Variants in ASIC2 observed in about 807,000 individuals in gnomAD.
The protein encoded by ASIC2 is acid-sensing ion channel 2.
A neutral mutation model predicts 57.3 loss-of-function variants in ASIC2; 25 were observed. The ratio of observed to expected loss-of-function variants is 0.44; its 90% CI spans 0.32 to 0.61. The LOEUF (loss-of-function observed/expected upper bound fraction) is 0.61, where lower values mean the gene tolerates loss of function less well. ASIC2 is among the 20% of genes least tolerant of loss of function. ASIC2 has a pLI of 0.06. For missense variants in ASIC2, 641 were observed against 738.1 expected, an observed-to-expected ratio of 0.87 and a Z score of 1.52; for synonymous variants, 319 against 307.5, an observed-to-expected ratio of 1.04 and a Z score of -0.39.
intron 3 of ASIC2, among the ~76,000 whole-genome samples, chr17:33,070,668 A>G (rs1283074304): frequency 6.6e-6 from 1 of 152,100 alleles, no homozygotes; most frequent in Non-Finnish European, 1.5e-5. Flanking sequence ...AAAAACCACA[A>G]TTAATACAAT....
At chr17:33,438,813 G>A (rs956143557) in intron 1 of ASIC2, among the ~76,000 whole-genome samples, 6 of 150,916 alleles carry the variant, frequency 4.0e-5, no homozygotes, top group African/African-American at 1.5e-4. Context: ...AGCCTCTGGG[G>A]TTCTGGGGTG....
chr17:33,677,034 A>G (rs1383216594), intron 1 of ASIC2, among the ~76,000 whole-genome samples: 3 of 152,198 alleles, frequency 2.0e-5, no homozygotes, highest in Admixed American at 2.0e-4. Context: ...TTCCACTGTG[A>G]GTGGCATGCT....
intron 1 of ASIC2, among the ~76,000 whole-genome samples, chr17:33,691,685 G>T (rs1205710616): frequency 6.6e-6 from 1 of 152,004 alleles, no homozygotes. Context: ...TCATGGTGGG[G>T]TTTTTGTTCT....
At chr17:33,923,436 A>G (rs1428221519) in intron 1 of ASIC2, among the ~76,000 whole-genome samples, 1 of 152,208 alleles carries the variant, frequency 6.6e-6, no homozygotes, top group African/African-American at 2.4e-5. Context: ...ATGGAAATAA[A>G]ATGACTTCTC....
intron 1 of ASIC2, among the ~76,000 whole-genome samples, chr17:33,135,068 C>T (rs1412835537): frequency 6.6e-6 from 1 of 152,042 alleles, no homozygotes; most frequent in African/African-American, 2.4e-5. Context: ...GGTGACTTGC[C>T]CAGTCATATG....
intron 1 of ASIC2, among the ~76,000 whole-genome samples, chr17:34,032,194 TG>T (rs1443696006): frequency 6.6e-6 from 1 of 151,948 alleles, no homozygotes; most frequent in Non-Finnish European, 1.5e-5. Flanking sequence ...CAGAAGAGAG[TG>T]GGGGCCAATA....
chr17:33,134,269 C>T (rs928545415), intron 1 of ASIC2, among the ~76,000 whole-genome samples: 7 of 152,166 alleles, frequency 4.6e-5, no homozygotes, highest in Admixed American at 1.3e-4. Context: ...GGATTCACAC[C>T]GAGGTCAGTG....
At chr17:33,842,457 T>C (rs773356782) in intron 1 of ASIC2, among the ~76,000 whole-genome samples, 13 of 152,200 alleles carry the variant, frequency 8.5e-5, no homozygotes, top group Non-Finnish European at 1.5e-4. Flanking sequence ...TGGAATGTGC[T>C]GCACTGAGGT....
chr17:33,670,726 A>G (rs1270435437), intron 1 of ASIC2, among the ~76,000 whole-genome samples: 1 of 152,228 alleles, frequency 6.6e-6, no homozygotes, highest in Non-Finnish European at 1.5e-5. Context: ...GCAAGTTTCC[A>G]TCCATCAACA....
intron 1 of ASIC2, among the ~76,000 whole-genome samples, chr17:33,150,718 C>A (rs565361191): frequency 1.4e-5 from 1 of 73,562 alleles, no homozygotes; most frequent in South Asian, 5.2e-4. Context: ...GGCGTAGTGG[C>A]GGGCGCCTGT....
rs748235427 is a variant in ASIC2, at chr17:33,165,615, A to G, written c.709-53548T>C. On this transcript the variant is annotated intron_variant, in intron 1 of 9. Coordinates refer to ENST00000225823, the MANE Select transcript of ASIC2 (RefSeq NM_183377.2). ...GCTCAGCCCACAAATAAGCCAAAAA[A>G]GCCTTTATTTCTGGGTTCTTGGATT... Among the ~76,000 whole-genome samples the G allele has an allele frequency of 9.5e-4, 144 of 152,172 alleles. 1 individual carries two copies. Among genetic ancestry groups the G allele is most frequent in the Non-Finnish European group, 1.5e-3 (102 of 68,040 alleles).
chr17:33,155,030 G>A (rs1350560689), intron 1 of ASIC2, among the ~76,000 whole-genome samples: 1 of 152,176 alleles, frequency 6.6e-6, no homozygotes, highest in African/African-American at 2.4e-5. Context: ...TGTTGGCGGC[G>A]GCGGCAGCGT....
intron 1 of ASIC2, among the ~76,000 whole-genome samples, chr17:33,189,960 T>C (rs935445516): frequency 6.6e-6 from 1 of 152,152 alleles, no homozygotes; most frequent in Admixed American, 6.5e-5. Flanking sequence ...TCCCCTACGA[T>C]CAAGGCAAGG....
intron 1 of ASIC2, among the ~76,000 whole-genome samples, chr17:33,158,689 A>T (rs1178933047): frequency 6.6e-6 from 1 of 152,226 alleles, no homozygotes; most frequent in Non-Finnish European, 1.5e-5. Flanking sequence ...ACTACTTGTC[A>T]CCCATGAGTG....
intron 3 of ASIC2, among the ~76,000 whole-genome samples, chr17:33,053,382 A>C (rs548876517): frequency 1.2e-4 from 19 of 152,260 alleles, no homozygotes; most frequent in African/African-American, 4.3e-4. Flanking sequence ...AGACCTGAAA[A>C]ATTATTCTTT....
At chr17:33,562,744 C>T (rs1055592435) in intron 1 of ASIC2, among the ~76,000 whole-genome samples, 21 of 152,184 alleles carry the variant, frequency 1.4e-4, no homozygotes, top group African/African-American at 4.8e-4. Context: ...ATATGTGAGG[C>T]AGCTCCTGGA....
At chr17:34,030,166 G>C (rs1188754165) in intron 1 of ASIC2, among the ~76,000 whole-genome samples, 1 of 152,192 alleles carries the variant, frequency 6.6e-6, no homozygotes, top group African/African-American at 2.4e-5. Context: ...TCTAGTGAAT[G>C]TGTTGCATAT....
At chr17:33,450,912 G>A (rs1421936767) in intron 1 of ASIC2, among the ~76,000 whole-genome samples, 1 of 152,168 alleles carries the variant, frequency 6.6e-6, no homozygotes, top group African/African-American at 2.4e-5. Context: ...TCTGGGCAGA[G>A]CTCCATGCCA....
At chr17:33,680,056 C>T (rs964630264) in intron 1 of ASIC2, among the ~76,000 whole-genome samples, 3 of 151,940 alleles carry the variant, frequency 2.0e-5, no homozygotes, top group African/African-American at 4.8e-5. Context: ...TGATGGGGGA[C>T]CTTTGACGGT....
Sources: gnomAD v4.1 joint callset for allele counts (sites outside exome capture counted in the v4.1 genomes callset) on GRCh38, gnomAD v4.1.1 for gene constraint, MANE v1.5 for transcripts, NCBI Gene and HGNC (gene_info 2026-07-23, HGNC 2026-07-21) for gene names.